The following ZBTB20 variants were observed in gnomAD, a reference collection of about 807,000 sequenced individuals.
ZBTB20 encodes the protein zinc finger and BTB domain containing 20, also known as zinc finger and BTB domain-containing protein 20.
A neutral mutation model predicts 56.9 loss-of-function variants in ZBTB20; 9 were observed. The observed-to-expected ratio is 0.16, with a 90% CI of 0.10 to 0.28. The LOEUF is 0.28. Among genes scored for constraint, ZBTB20 ranks in the 10% least tolerant of loss-of-function variants. The pLI, the probability that ZBTB20 is intolerant of heterozygous loss-of-function variation, is 1.00. For synonymous variants in ZBTB20, 417 were observed against 420.7 expected (o/e 0.99, Z 0.11); for missense variants, 655 against 1,003.0 (o/e 0.65, Z 4.69).
At chr3:114,677,559 C>T (rs1454059756) in intron 6 of ZBTB20, among the ~76,000 whole-genome samples, 1 of 152,148 alleles carries the variant, frequency 6.6e-6, no homozygotes, top group Non-Finnish European at 1.5e-5. Flanking sequence ...CATCCTGAAA[C>T]CATCCCCACA....
At chr3:114,980,138 G>A (rs538044419) in intron 2 of ZBTB20, among the ~76,000 whole-genome samples, 10 of 151,910 alleles carry the variant, frequency 6.6e-5, no homozygotes, top group African/African-American at 1.7e-4. Context: ...AAAGTAACCC[G>A]AGCCCTTCCT....
chr3:114,743,015 T>C (rs1480840232), intron 5 of ZBTB20, among the ~76,000 whole-genome samples: 2 of 152,212 alleles, frequency 1.3e-5, no homozygotes, highest in Non-Finnish European at 2.9e-5. Flanking sequence ...CACTTTGACA[T>C]CTTTTTTTTA....
rs572560815 is a variant in ZBTB20 at position 115,047,319 on chromosome 3, T to C, written c.-507+23900A>G. ...GCTTCCTTTGATTATTTGACAAAGT[T>C]TGAGAAAAGACAACATACTTGGAAC... On this transcript the variant is annotated intron_variant, in intron 2 of 11. Coordinates refer to ENST00000675478, the MANE Select transcript of ZBTB20 (RefSeq NM_001348800.3). Among the ~76,000 whole-genome samples, 7 of 152,304 alleles carry C rather than the reference T, an allele frequency of 4.6e-5. No individual in the cohort carries two copies. The East Asian group carries it at 1.4e-3, about 29-fold the overall frequency.
At chr3:114,926,833 A>G (rs1004665742) in intron 3 of ZBTB20, among the ~76,000 whole-genome samples, 1 of 152,154 alleles carries the variant, frequency 6.6e-6, no homozygotes, top group African/African-American at 2.4e-5. Context: ...ACGTGATCAT[A>G]GCTCACTGAA....
At chr3:114,617,397 G>A (rs1253729953) in intron 6 of ZBTB20, among the ~76,000 whole-genome samples, 1 of 152,116 alleles carries the variant, frequency 6.6e-6, no homozygotes, top group Non-Finnish European at 1.5e-5. Flanking sequence ...TCCATTCCCA[G>A]CACGGATTTA....
chr3:114,463,844 T>G (rs974343934), intron 7 of ZBTB20, among the ~76,000 whole-genome samples: 3 of 152,202 alleles, frequency 2.0e-5, no homozygotes, highest in Admixed American at 2.0e-4. Context: ...GAGCTCATAA[T>G]GCATTGTTGC....
intron 3 of ZBTB20, among the ~76,000 whole-genome samples, chr3:114,902,591 T>TTTGC (rs2075164155): frequency 1.3e-5 from 2 of 152,214 alleles, no homozygotes; most frequent in Non-Finnish European, 2.9e-5. Flanking sequence ...GTATCACTTA[T>TTTGC]TAATGCACTA....
chr3:114,895,842 T>C (rs528078744), intron 4 of ZBTB20, among the ~76,000 whole-genome samples: 161 of 152,268 alleles, frequency 1.1e-3, no homozygotes, highest in African/African-American at 3.7e-3. Context: ...CACCATACTA[T>C]ACATAGGAAA....
chr3:114,672,284 C>T (rs988616062), intron 6 of ZBTB20, among the ~76,000 whole-genome samples: 2 of 152,050 alleles, frequency 1.3e-5, no homozygotes, highest in Admixed American at 1.3e-4. Context: ...GGCCCACTCA[C>T]GTAAACAGGA....
At chr3:114,449,681 T>A (rs1051172417) in intron 7 of ZBTB20, among the ~76,000 whole-genome samples, 26 of 107,250 alleles carry the variant, frequency 2.4e-4, no homozygotes, top group African/African-American at 6.8e-4. Flanking sequence ...GAAGCCTAGC[T>A]TTAAAAAAAA....
intron 1 of ZBTB20, among the ~76,000 whole-genome samples, chr3:115,121,872 T>G (rs116350645): frequency 0.015 from 2,326 of 152,192 alleles, 34 homozygotes; most frequent in South Asian, 0.05. Flanking sequence ...TTCATTTTTA[T>G]TTCCCTTGAA....
At chr3:115,020,185 C>T (rs1023476528) in intron 2 of ZBTB20, among the ~76,000 whole-genome samples, 1 of 151,022 alleles carries the variant, frequency 6.6e-6, no homozygotes, top group Non-Finnish European at 1.5e-5. Context: ...CCAGAAGTAC[C>T]CAGGCTCTTA....
In ZBTB20 at chr3:115,138,035, T is replaced by C. The variant is rs145861380; in HGVS notation, c.-703+9184A>G. On this transcript the variant is annotated intron_variant, in intron 1 of 11. Transcript: ENST00000675478. ...CAGCTATTGGTTTCTGAAACAAATG[T>C]TAAGGGCACAAAGAACAAACAAACA... is the stretch of plus-strand genomic sequence containing the variant. Among the ~76,000 whole-genome samples, 73 of 152,214 alleles carry C rather than the reference T, an allele frequency of 4.8e-4. No homozygotes were observed. The East Asian group carries it at 0.012, about 26-fold the overall frequency.
chr3:114,343,429 G>A (rs2079944889), intron 11 of ZBTB20, among the ~76,000 whole-genome samples: 1 of 152,150 alleles, frequency 6.6e-6, no homozygotes, highest in Admixed American at 6.5e-5. Context: ...TGTTCTCTCT[G>A]CCTCCCCATC....
At chr3:114,384,912 T>C (rs747276263) in intron 8 of ZBTB20, among the ~76,000 whole-genome samples, 2 of 152,240 alleles carry the variant, frequency 1.3e-5, no homozygotes, top group Non-Finnish European at 2.9e-5. Flanking sequence ...CTTTTGCACA[T>C]ATTGCACACA....
At chr3:114,444,326 G>A (rs543694232) in intron 7 of ZBTB20, among the ~76,000 whole-genome samples, 65 of 152,234 alleles carry the variant, frequency 4.3e-4, no homozygotes, top group African/African-American at 1.5e-3. Context: ...GGGCAGCAGT[G>A]TTAACTCCAG....
Position 114,350,361 on chromosome 3 carries a change from C to T in ZBTB20, c.1717G>A (p.Gly573Ser), listed in dbSNP as rs775084302. 2.5e-6 allele frequency: 4 copies of T among 1,614,064 alleles called. No individual in the cohort carries two copies. The highest frequency in any genetic ancestry group is 3.4e-6 in the Non-Finnish European group (4 of 1,179,990). The stretch of plus-strand genomic sequence containing the variant: ...GTGCACTCATAAGGCTTTTTTTCGC[C>T]TTGCCCACTGGCTGTGCTGTGGCCT... The part of the protein sequence containing the change: ...SAGHSTASGQ[G>S]EKKPYECTLC... The change falls in exon 11 of 12, where the codon GGC becomes AGC. Residue 573 changes from glycine to serine, a missense_variant. Physicochemically the swap from Gly to Ser is moderately conservative, Grantham distance 56. Coordinates refer to ENST00000675478, the MANE Select transcript of ZBTB20 (RefSeq NM_001348800.3).
chr3:115,109,410 C>G (rs902072054), intron 1 of ZBTB20, among the ~76,000 whole-genome samples: 2 of 152,104 alleles, frequency 1.3e-5, no homozygotes, highest in African/African-American at 4.8e-5. Flanking sequence ...TCATATCTTT[C>G]CAAAATACAA....
intron 5 of ZBTB20, among the ~76,000 whole-genome samples, chr3:114,719,955 T>C (rs1006807421): frequency 2.6e-5 from 4 of 151,896 alleles, no homozygotes; most frequent in African/African-American, 9.7e-5. Flanking sequence ...AGACTCCCAT[T>C]TGCCCGGCAG....
Sources: allele counts gnomAD v4.1 joint callset (sites outside exome capture counted in the v4.1 genomes callset), GRCh38; gene constraint gnomAD v4.1.1; transcripts MANE v1.5; gene names NCBI Gene and HGNC (gene_info 2026-07-23, HGNC 2026-07-21).